Variants in GALNT17 observed in about 807,000 individuals in gnomAD.
GALNT17 encodes the protein polypeptide N-acetylgalactosaminyltransferase 17, also known as UDP-GalNAc:polypeptide N-acetylgalactosaminyltransferase-like 3.
GALNT17 carries 29 observed loss-of-function variants against 63.7 expected under a neutral mutation model. The ratio of observed to expected loss-of-function variants is 0.46; its 90% CI spans 0.34 to 0.62. The LOEUF is 0.62. Among genes scored for constraint, GALNT17 ranks in the 20% least tolerant of loss-of-function variants. The pLI, the probability that GALNT17 is intolerant of heterozygous loss-of-function variation, is 0.01. For missense variants in GALNT17, 603 were observed against 799.6 expected (o/e 0.75, Z 2.97); for synonymous variants, 305 against 318.3 (o/e 0.96, Z 0.45).
At chr7:71,523,732 A>T (rs1053234517) in intron 5 of GALNT17, among the ~76,000 whole-genome samples, 1 of 147,786 alleles carries the variant, frequency 6.8e-6, no homozygotes, top group African/African-American at 2.5e-5. Context: ...ACAGAGCAAG[A>T]CCCTGTCTCA....
chr7:71,390,921 G>T (rs1793037889), intron 3 of GALNT17, among the ~76,000 whole-genome samples: 4 of 152,204 alleles, frequency 2.6e-5, no homozygotes, highest in Admixed American at 2.6e-4. Context: ...CCAGACCTCA[G>T]AGTTAACTTG....
In GALNT17 at chr7:71,184,306, A is replaced by G. The variant is rs372372776; in HGVS notation, c.238+51266A>G. 4.6e-5 allele frequency among the ~76,000 whole-genome samples: 7 copies of G among 152,310 alleles called. No homozygotes were observed. In the East Asian group the frequency reaches 1.4e-3, roughly 29 times the overall value. On this transcript the variant is annotated intron_variant, in intron 1 of 10. Coordinates refer to ENST00000333538, the MANE Select transcript of GALNT17 (RefSeq NM_022479.3). ...TACTCCACGGCAGCCCTAGTGGAGTAATGCACAGTGTCATGGTGATGGAGT... is the reference window on the plus strand; with the variant it reads ...TACTCCACGGCAGCCCTAGTGGAGTGATGCACAGTGTCATGGTGATGGAGT...
At chr7:71,240,847 G>A (rs965243889) in intron 1 of GALNT17, among the ~76,000 whole-genome samples, 15 of 151,934 alleles carry the variant, frequency 9.9e-5, no homozygotes, top group African/African-American at 3.6e-4. Context: ...TGTATTTTTA[G>A]TAGAGACGGA....
At chr7:71,641,762 A>T (rs575629853) in intron 6 of GALNT17, among the ~76,000 whole-genome samples, 18 of 152,240 alleles carry the variant, frequency 1.2e-4, no homozygotes, top group African/African-American at 4.3e-4. Context: ...GAAATAAAAT[A>T]ATGCACAAAT....
chr7:71,274,577 A>G (rs1047246271), intron 1 of GALNT17, among the ~76,000 whole-genome samples: 31 of 152,186 alleles, frequency 2.0e-4, no homozygotes, highest in African/African-American at 6.5e-4. Context: ...ACTGTACCCA[A>G]TGCTCATTCT....
chr7:71,696,800 T>C (rs534738345), intron 9 of GALNT17, among the ~76,000 whole-genome samples: 3 of 152,174 alleles, frequency 2.0e-5, no homozygotes, highest in Non-Finnish European at 4.4e-5. Flanking sequence ...AATAGAGTAA[T>C]CCCATTCACT....
At chr7:71,376,546 T>C (rs2116298010) in intron 2 of GALNT17, among the ~76,000 whole-genome samples, 1 of 150,696 alleles carries the variant, frequency 6.6e-6, no homozygotes, top group African/African-American at 2.4e-5. Flanking sequence ...TGCTCCCGTA[T>C]GTGTGCGAGT....
chr7:71,439,386 G>C (rs977165295), intron 5 of GALNT17, among the ~76,000 whole-genome samples: 7 of 152,162 alleles, frequency 4.6e-5, no homozygotes, highest in African/African-American at 1.7e-4. Flanking sequence ...GCACCAGCCT[G>C]GGTAGATCAA....
At chr7:71,562,392 CA>C (rs1789271144) in intron 5 of GALNT17, among the ~76,000 whole-genome samples, 2 of 152,192 alleles carry the variant, frequency 1.3e-5, no homozygotes, top group Admixed American at 6.5e-5. Flanking sequence ...ATTATTATTA[CA>C]TTGTAATATA....
Position 71,586,679 on chromosome 7 carries a change from G to GTT in GALNT17, c.1080+15288_1080+15289dup, listed in dbSNP as rs79434130. The stretch of plus-strand genomic sequence containing the variant: ...AATCTATTTTACCAAACCTAGTAGG[G>GTT]TTTTTTTTTTTTAATTGCATGGCAC... On this transcript the variant is annotated intron_variant, in intron 6 of 10. Transcript: ENST00000333538. Among the ~76,000 whole-genome samples the GTT allele has an allele frequency of 2.4e-3, 355 of 145,234 alleles. 3 individuals are homozygous for GTT. The highest frequency in any genetic ancestry group is 8.6e-3 in the African/African-American group (341 of 39,720).
rs1343760700 is a variant in GALNT17, at chr7:71,583,753, A to AC, written c.1080+12352dup. 0.013 allele frequency among the ~76,000 whole-genome samples: 48 copies of AC among 3,706 alleles called. 1 individual carries two copies. The South Asian group carries it at 0.14, about 11-fold the overall frequency. The allele number at this position is 3,706 out of a possible 152,430, so 2.4% of individuals were successfully genotyped here. ...CACACACACACACACACACACACACACACACACCACACACCAAACAGCCCT... is the reference window on the plus strand; with the variant it reads ...CACACACACACACACACACACACACACCACACACCACACACCAAACAGCCCT... On this transcript the variant is annotated intron_variant, in intron 6 of 10. Transcript: ENST00000333538.
intron 6 of GALNT17, among the ~76,000 whole-genome samples, chr7:71,631,526 G>C (rs1337728955): frequency 7.2e-5 from 11 of 152,150 alleles, no homozygotes; most frequent in Admixed American, 6.5e-4. Flanking sequence ...AACAAGTCTT[G>C]TGGGCTTCTG....
In GALNT17 at chr7:71,495,137, A is replaced by T. The variant is rs151056107; in HGVS notation, c.962+74032A>T. ...AAAAAAATACAGAAACTAGCTGGGCATGGTGGTGCACACCTGTAGTCCCAG... is the reference window on the plus strand; with the variant it reads ...AAAAAAATACAGAAACTAGCTGGGCTTGGTGGTGCACACCTGTAGTCCCAG... On this transcript the variant is annotated intron_variant, in intron 5 of 10. Coordinates refer to ENST00000333538, the MANE Select transcript of GALNT17 (RefSeq NM_022479.3). 8.1e-4 allele frequency among the ~76,000 whole-genome samples: 124 copies of T among 152,256 alleles called. 1 individual carries two copies. Among genetic ancestry groups the T allele is most frequent in the African/African-American group, 2.9e-3 (121 of 41,552 alleles).
intron 6 of GALNT17, among the ~76,000 whole-genome samples, chr7:71,617,694 G>A (rs867595580): frequency 7.3e-5 from 11 of 151,558 alleles, no homozygotes; most frequent in Non-Finnish European, 1.3e-4. Context: ...CCAGGCTGGA[G>A]TGCTGTGGCG....
intron 5 of GALNT17, among the ~76,000 whole-genome samples, chr7:71,545,709 A>G (rs759475472): frequency 6.6e-6 from 1 of 152,232 alleles, no homozygotes; most frequent in East Asian, 1.9e-4. Flanking sequence ...TGGTTCTATT[A>G]TGTCAAGTTC....
chr7:71,174,039 C>A (rs867204962), intron 1 of GALNT17, among the ~76,000 whole-genome samples: 1 of 152,074 alleles, frequency 6.6e-6, no homozygotes, highest in Non-Finnish European at 1.5e-5. Flanking sequence ...TTCTTGGAGG[C>A]GACTCAAGAG....
intron 2 of GALNT17, among the ~76,000 whole-genome samples, chr7:71,338,520 C>G (rs1791953215): frequency 2.0e-5 from 3 of 151,998 alleles, no homozygotes. Flanking sequence ...GAGACACTGT[C>G]TAAAAACTAT....
intron 2 of GALNT17, among the ~76,000 whole-genome samples, chr7:71,355,414 C>T (rs2116201645): frequency 6.6e-6 from 1 of 152,214 alleles, no homozygotes; most frequent in Non-Finnish European, 1.5e-5. Context: ...AATGCTTTAA[C>T]TTCGGTTTGT....
intron 5 of GALNT17, among the ~76,000 whole-genome samples, chr7:71,563,308 C>G (rs772183139): frequency 6.6e-6 from 1 of 152,154 alleles, no homozygotes; most frequent in African/African-American, 2.4e-5. Flanking sequence ...CTGCAGCTTC[C>G]ACAGCTGGGT....
Sources: gnomAD v4.1 joint callset for allele counts (sites outside exome capture counted in the v4.1 genomes callset) on GRCh38, gnomAD v4.1.1 for gene constraint, MANE v1.5 for transcripts, NCBI Gene and HGNC (gene_info 2026-07-23, HGNC 2026-07-21) for gene names.